The following VAPB variants were observed in gnomAD, a reference collection of about 807,000 sequenced individuals.
VAPB encodes vesicle-associated membrane protein-associated protein B/C.
In VAPB, 7 loss-of-function variants were observed where a neutral mutation model predicts 25.6. The observed-to-expected ratio is 0.27, with a 90% confidence interval of 0.16 to 0.51. The LOEUF (loss-of-function observed/expected upper bound fraction) is 0.51, where lower values mean the gene tolerates loss of function less well. Ranked by LOEUF, VAPB falls within the 20% of genes least tolerant of loss-of-function variation. VAPB has a pLI of 0.97. For missense variants in VAPB, 266 were observed against 301.3 expected (o/e 0.88, Z 0.87); for synonymous variants, 112 against 109.2 (o/e 1.03, Z -0.16).
intron 1 of VAPB, among the ~76,000 whole-genome samples, chr20:58,404,901 G>A (rs1025515481): frequency 6.6e-6 from 1 of 151,676 alleles, no homozygotes; most frequent in African/African-American, 2.4e-5. Flanking sequence ...TCTCTTCATG[G>A]GTTACTTATT....
Position 58,448,486 on chromosome 20 carries a change from C to T in VAPB, c.*4251C>T. The stretch of plus-strand genomic sequence containing the variant: ...GCAACTGTGACTGGGGGGTAGATGG[C>T]TCTGTTTGCATACGAAGAAATAAAG... On this transcript the variant is annotated 3_prime_UTR_variant, in exon 6 of 6. Coordinates refer to ENST00000475243, the MANE Select transcript of VAPB (RefSeq NM_004738.5). 2.2e-6 allele frequency: 1 copy of T among 454,054 alleles called. No homozygotes were observed. Among genetic ancestry groups the T allele is most frequent in the Non-Finnish European group, 4.4e-6 (1 of 226,782 alleles). The allele number at this position is 454,054 out of a possible 1,614,324, so 28.1% of individuals were successfully genotyped here.
intron 2 of VAPB, among the ~76,000 whole-genome samples, chr20:58,419,880 A>G (rs1988632396): frequency 6.6e-6 from 1 of 152,226 alleles, no homozygotes; most frequent in Non-Finnish European, 1.5e-5. Flanking sequence ...TAGGGAATGC[A>G]GCATGGTTTT....
chr20:58,405,773 C>T (rs1285861102), intron 1 of VAPB, among the ~76,000 whole-genome samples: 1 of 49,856 alleles, frequency 2.0e-5, no homozygotes, highest in East Asian at 9.6e-4. Flanking sequence ...TTTTTTGAGA[C>T]GGAGACTGGC....
intron 2 of VAPB, among the ~76,000 whole-genome samples, chr20:58,419,145 A>G (rs1231233254): frequency 6.6e-6 from 1 of 152,214 alleles, no homozygotes; most frequent in Non-Finnish European, 1.5e-5. Flanking sequence ...CAAGTGACTC[A>G]GTGTCACAGA....
intron 2 of VAPB, among the ~76,000 whole-genome samples, chr20:58,428,868 A>G (rs2123078212): frequency 6.6e-6 from 1 of 152,308 alleles, no homozygotes; most frequent in South Asian, 2.1e-4. Context: ...CATGTTATGC[A>G]GGATGTGGAT....
chr20:58,426,731 G>T (rs954333078), intron 2 of VAPB, among the ~76,000 whole-genome samples: 1 of 152,192 alleles, frequency 6.6e-6, no homozygotes, highest in African/African-American at 2.4e-5. Context: ...GATTAAATTT[G>T]TGGAGTTTGT....
At chr20:58,391,201 T>C (rs939493317) in intron 1 of VAPB, among the ~76,000 whole-genome samples, 2 of 152,166 alleles carry the variant, frequency 1.3e-5, no homozygotes, top group Non-Finnish European at 2.9e-5. Flanking sequence ...CCACAAACAT[T>C]TACTGAGTAC....
chr20:58,418,522 G>T (rs535142820), intron 2 of VAPB, among the ~76,000 whole-genome samples, 159 bp downstream of exon 2: 1 of 6,870 alleles, frequency 1.5e-4, no homozygotes. Flanking sequence ...CCTCCACCCC[G>T]TGATCAGAAA....
chr20:58,450,431 G>C lies in VAPB; in HGVS notation c.*6196G>C. 4.4e-6 allele frequency: 2 copies of C among 453,918 alleles called. No homozygotes were observed. The highest frequency in any genetic ancestry group is 8.8e-6 in the Non-Finnish European group (2 of 226,766). 28.1% of individuals were successfully genotyped at this position (453,918 alleles called of 1,614,324 possible). A position where few individuals can be genotyped will look rare whatever the true frequency, so the allele number is the denominator to read the frequency against. On this transcript the variant is annotated 3_prime_UTR_variant, in exon 6 of 6. Transcript: ENST00000475243. ...TATTTTTCATTCGTGTGTAGCCTAA[G>C]TAAGGTGACTCAAGATGATACACCG... is the stretch of plus-strand genomic sequence containing the variant.
chr20:58,424,308 A>G (rs1988737870), intron 2 of VAPB, among the ~76,000 whole-genome samples: 2 of 152,148 alleles, frequency 1.3e-5, no homozygotes, highest in African/African-American at 2.4e-5. Flanking sequence ...AGATGAGAAT[A>G]AAGGGAAAGG....
rs1437762501 is a variant in VAPB, at chr20:58,389,309, C to CG, written c.-151_-150insG. ...CCTGCACCGCGTAGACCGACCCCCCCCCAGCGCGCCCACCCGGTAGAGGAC... is the reference window on the plus strand; with the variant it reads ...CCTGCACCGCGTAGACCGACCCCCCCGCCAGCGCGCCCACCCGGTAGAGGAC... On this transcript the variant is annotated 5_prime_UTR_variant, in exon 1 of 6. Coordinates refer to ENST00000475243, the MANE Select transcript of VAPB (RefSeq NM_004738.5). 4.2e-6 allele frequency: 3 copies of CG among 716,114 alleles called. No homozygotes were observed. The highest frequency in any genetic ancestry group is 1.9e-5 in the African/African-American group (1 of 53,984). 44.4% of individuals were successfully genotyped at this position (716,114 alleles called of 1,614,324 possible).
intron 1 of VAPB, among the ~76,000 whole-genome samples, chr20:58,395,755 C>A (rs1987943555): frequency 6.6e-6 from 1 of 152,026 alleles, no homozygotes; most frequent in Non-Finnish European, 1.5e-5. Context: ...ATAGCATATC[C>A]AGGATTGCTT....
chr20:58,391,480 G>T (rs146160813), intron 1 of VAPB, among the ~76,000 whole-genome samples: 2 of 152,076 alleles, frequency 1.3e-5, no homozygotes, highest in Admixed American at 1.3e-4. Context: ...AGAGGAAATT[G>T]CATGCACAGA....
intron 1 of VAPB, among the ~76,000 whole-genome samples, chr20:58,411,552 G>A (rs144230016): frequency 2.8e-4 from 43 of 152,330 alleles, no homozygotes; most frequent in African/African-American, 1.0e-3. Context: ...GATTACAGGC[G>A]TGAGCCACCG....
chr20:58,397,962 G>A (rs934529375), intron 1 of VAPB, among the ~76,000 whole-genome samples: 2 of 152,164 alleles, frequency 1.3e-5, no homozygotes, highest in Admixed American at 1.3e-4. Context: ...AAAGGATTTA[G>A]AGACATGCAT....
intron 2 of VAPB, among the ~76,000 whole-genome samples, chr20:58,423,445 A>AAAAAAG (rs1988717111): frequency 2.1e-5 from 3 of 143,908 alleles, no homozygotes; most frequent in Non-Finnish European, 4.5e-5. Context: ...AAAAAAAAAA[A>AAAAAAG]AAAAGAAAAG....
At chr20:58,441,715 A>G (rs1028834210) in intron 5 of VAPB, among the ~76,000 whole-genome samples, 1 of 152,360 alleles carries the variant, frequency 6.6e-6, no homozygotes, top group South Asian at 2.1e-4. Flanking sequence ...TGTTGAGACC[A>G]AAATAGTTTT....
chr20:58,448,734 C>G lies in VAPB; in HGVS notation c.*4499C>G, dbSNP rs2123113337. The G allele has an allele frequency of 2.2e-6, 1 of 454,046 alleles. No homozygotes were observed. The highest frequency in any genetic ancestry group is 6.9e-5 in the East Asian group (1 of 14,390). 28.1% of individuals were successfully genotyped at this position (454,046 alleles called of 1,614,324 possible). A position where few individuals can be genotyped will look rare whatever the true frequency, so the allele number is the denominator to read the frequency against. The stretch of plus-strand genomic sequence containing the variant: ...AGTAAGTAGAATTAAGACTGTAGTT[C>G]AGATGCTTTTTCTTTTTCTGTTGGA... On this transcript the variant is annotated 3_prime_UTR_variant, in exon 6 of 6. Coordinates refer to ENST00000475243, the MANE Select transcript of VAPB (RefSeq NM_004738.5).
intron 1 of VAPB, among the ~76,000 whole-genome samples, chr20:58,412,306 G>A (rs1433324811): frequency 2.0e-5 from 3 of 152,076 alleles, no homozygotes; most frequent in East Asian, 3.9e-4. Context: ...ATGGCTGGGC[G>A]TGGAGGCTCA....
Sources: allele counts gnomAD v4.1 joint callset (sites outside exome capture counted in the v4.1 genomes callset), GRCh38; gene constraint gnomAD v4.1.1; transcripts MANE v1.5; gene names NCBI Gene and HGNC (gene_info 2026-07-23, HGNC 2026-07-21).